MXI1: variants seen among roughly 807,000 people sequenced by gnomAD.
MXI1 encodes MAX interactor 1, dimerization protein, also known as max-interacting protein 1.
A neutral mutation model predicts 36.9 loss-of-function variants in MXI1; 18 were observed. The ratio of observed to expected loss-of-function variants is 0.49; its 90% confidence interval spans 0.34 to 0.72. The LOEUF (loss-of-function observed/expected upper bound fraction) is 0.72. Ranked by LOEUF, MXI1 falls within the 30% of genes least tolerant of loss-of-function variation. The probability of loss-of-function intolerance (pLI) is 0.01; values close to 1 mark genes in which losing one functional copy is unlikely to be tolerated. For synonymous variants in MXI1, 160 were observed against 146.7 expected, an observed-to-expected ratio of 1.09 and a Z score of -0.65; for missense variants, 304 against 379.1, an observed-to-expected ratio of 0.80 and a Z score of 1.64.
intron 3 of MXI1, among the ~76,000 whole-genome samples, chr10:110,255,649 A>G (rs1856260785): frequency 6.6e-6 from 1 of 152,180 alleles, no homozygotes; most frequent in African/African-American, 2.4e-5. Context: ...AATACAAAAT[A>G]CTTTTGAAAT....
At chr10:110,229,959 G>A (rs890414979) in intron 2 of MXI1, among the ~76,000 whole-genome samples, 13 of 152,050 alleles carry the variant, frequency 8.5e-5, no homozygotes. Flanking sequence ...TAGAAATTAG[G>A]TATATAATTT....
At chr10:110,235,515 G>A (rs998157679) in intron 2 of MXI1, among the ~76,000 whole-genome samples, 7 of 151,428 alleles carry the variant, frequency 4.6e-5, no homozygotes, top group Non-Finnish European at 1.0e-4. Flanking sequence ...GGGAAACCCT[G>A]TCTCTACTAA....
In MXI1 at chr10:110,279,074, C is replaced by G. The variant is rs986951844; in HGVS notation, c.438-106C>G. 9.8e-6 allele frequency: 8 copies of G among 815,238 alleles called. No homozygotes were observed. In the South Asian group the frequency reaches 1.3e-4, roughly 14 times the overall value. 50.5% of individuals were successfully genotyped at this position (815,238 alleles called of 1,614,324 possible). A position where few individuals can be genotyped will look rare whatever the true frequency, so the allele number is the denominator to read the frequency against. On this transcript the variant is annotated intron_variant, in intron 3 of 5. Transcript: ENST00000332674. ...GGAGAATTAGGGGTGTGACATCTAT[C>G]CTATAGGCTGAATAAATGCAAATTA...
At chr10:110,227,103 G>A in intron 1 of MXI1, among the ~76,000 whole-genome samples, 1 of 82,666 alleles carries the variant, frequency 1.2e-5, no homozygotes, top group Non-Finnish European at 2.5e-5. Flanking sequence ...GGCCATGCGT[G>A]TGTGTGAGGG....
chr10:110,255,768 C>T lies in MXI1; in HGVS notation c.437+10911C>T, dbSNP rs529310202. Among the ~76,000 whole-genome samples the T allele has an allele frequency of 9.2e-5, 14 of 152,218 alleles. No individual in the cohort carries two copies. In the South Asian group the frequency reaches 2.7e-3, roughly 29 times the overall value. On this transcript the variant is annotated intron_variant, in intron 3 of 5. Transcript: ENST00000332674. ...TCCAAATTGATCTATAGATTCAGTG[C>T]AAGCCCTATGAAAGTTCCAGCTTCC...
chr10:110,222,906 A>G (rs1356971760), intron 1 of MXI1, among the ~76,000 whole-genome samples: 1 of 152,214 alleles, frequency 6.6e-6, no homozygotes, highest in East Asian at 1.9e-4. Context: ...GAAGGACTCC[A>G]GGAGGCAGCC....
intron 2 of MXI1, among the ~76,000 whole-genome samples, chr10:110,242,830 T>C (rs1855721883): frequency 6.6e-6 from 1 of 151,830 alleles, no homozygotes; most frequent in Non-Finnish European, 1.5e-5. Flanking sequence ...TAGAATAAGT[T>C]TATGGCTGTT....
chr10:110,274,758 T>C (rs768248867), intron 3 of MXI1, among the ~76,000 whole-genome samples: 2 of 152,118 alleles, frequency 1.3e-5, no homozygotes, highest in Non-Finnish European at 2.9e-5. Flanking sequence ...TTACTAGAGG[T>C]GCAGGACCAT....
intron 3 of MXI1, among the ~76,000 whole-genome samples, chr10:110,250,913 A>C (rs72830457): frequency 0.087 from 13,048 of 149,512 alleles, 1,069 homozygotes; most frequent in East Asian, 0.29. Context: ...AGGCCATTTA[A>C]CCTTAAATAG....
chr10:110,285,527 T>TG lies in MXI1; in HGVS notation c.*540_*541insG, dbSNP rs1857408268. 9.2e-6 allele frequency: 1 copy of TG among 108,290 alleles called. No homozygotes were observed. The highest frequency in any genetic ancestry group is 2.2e-5 in the Non-Finnish European group (1 of 46,316). 6.7% of individuals were successfully genotyped at this position (108,290 alleles called of 1,614,324 possible). On this transcript the variant is annotated 3_prime_UTR_variant, in exon 6 of 6. Transcript: ENST00000332674. ...CTGTGGATGATCAATCCTTTATTAT[T>TG]ATTTTTTTTTTTTGAAAAAAGCTCA...
intron 1 of MXI1, among the ~76,000 whole-genome samples, chr10:110,223,567 G>A (rs1389798258): frequency 3.3e-5 from 5 of 151,902 alleles, no homozygotes; most frequent in East Asian, 1.9e-4. Context: ...GTAAGACTCC[G>A]TCTCAAAAAA....
intron 1 of MXI1, among the ~76,000 whole-genome samples, chr10:110,213,648 A>G (rs924819474): frequency 6.6e-6 from 1 of 152,218 alleles, no homozygotes; most frequent in African/African-American, 2.4e-5. Context: ...GAAAGGGGAC[A>G]GGGCCTTGGA....
chr10:110,227,313 G>GGAGGGGCGCGCGTGCGA, intron 1 of MXI1: 1 of 959,722 alleles, frequency 1.0e-6, no homozygotes, highest in Non-Finnish European at 1.2e-6. Flanking sequence ...GGCGGGTGCG[G>GGAGGGGCGCGCGTGCGA]GGAGGGGCGC....
At chr10:110,236,277 T>G (rs1855475348) in intron 2 of MXI1, among the ~76,000 whole-genome samples, 1 of 151,670 alleles carries the variant, frequency 6.6e-6, no homozygotes, top group Non-Finnish European at 1.5e-5. Flanking sequence ...GTGAGCCTTA[T>G]TTCTGGATTT....
chr10:110,270,241 A>G (rs937117634), intron 3 of MXI1, among the ~76,000 whole-genome samples: 19 of 152,362 alleles, frequency 1.2e-4, no homozygotes, highest in African/African-American at 4.1e-4. Context: ...ACCAAAGAAG[A>G]AATATGGTGA....
intron 2 of MXI1, among the ~76,000 whole-genome samples, chr10:110,231,306 G>A (rs1855249638): frequency 6.6e-6 from 1 of 151,872 alleles, no homozygotes; most frequent in Non-Finnish European, 1.5e-5. Context: ...GGCGGAGGTT[G>A]CAGTGAGCTG....
At chr10:110,227,582 G>GT (rs935132839) in intron 1 of MXI1, 2 of 979,588 alleles carry the variant, frequency 2.0e-6, no homozygotes, top group Admixed American at 6.1e-5. Flanking sequence ...CGGATGCTGG[G>GT]GGGGGTCAGG....
intron 3 of MXI1, among the ~76,000 whole-genome samples, chr10:110,250,355 C>T (rs1158635553): frequency 6.6e-6 from 1 of 152,158 alleles, no homozygotes; most frequent in African/African-American, 2.4e-5. Flanking sequence ...TGTGAATCAT[C>T]TCATGGTAAA....
chr10:110,241,361 C>T (rs1435220878), intron 2 of MXI1, among the ~76,000 whole-genome samples: 2 of 151,892 alleles, frequency 1.3e-5, no homozygotes, highest in African/African-American at 4.8e-5. Context: ...TTATTCAGAA[C>T]ATCTCAGCCT....
Sources: gnomAD v4.1 joint callset for allele counts (sites outside exome capture counted in the v4.1 genomes callset) on GRCh38, gnomAD v4.1.1 for gene constraint, MANE v1.5 for transcripts, NCBI Gene and HGNC (gene_info 2026-07-23, HGNC 2026-07-21) for gene names.